The following ITFG1 variants were observed in gnomAD, a reference collection of about 807,000 sequenced individuals.
The protein encoded by ITFG1 is T-cell immunomodulatory protein.
In ITFG1, 34 loss-of-function variants were observed where a neutral mutation model predicts 81.8. That is an observed-to-expected ratio of 0.42 (90% confidence interval 0.32 to 0.55). The LOEUF (loss-of-function observed/expected upper bound fraction) is 0.55. ITFG1 is among the 20% of genes least tolerant of loss of function. The pLI, the probability that ITFG1 is intolerant of heterozygous loss-of-function variation, is 0.17. For missense variants in ITFG1, 672 were observed against 755.4 expected (o/e 0.89, Z 1.29); for synonymous variants, 285 against 270.6 (o/e 1.05, Z -0.52).
At chr16:47,239,055 A>G (rs1965905153) in intron 12 of ITFG1, among the ~76,000 whole-genome samples, 1 of 152,196 alleles carries the variant, frequency 6.6e-6, no homozygotes, top group Admixed American at 6.5e-5. Flanking sequence ...CCCTTCTGCC[A>G]TGTGAGGACG....
At chr16:47,399,426 A>G (rs1008472340) in intron 6 of ITFG1, among the ~76,000 whole-genome samples, 3 of 152,156 alleles carry the variant, frequency 2.0e-5, no homozygotes, top group African/African-American at 7.2e-5. Flanking sequence ...ACAAACAATT[A>G]GCCGGGCGTG....
chr16:47,366,477 G>A (rs2151587104), intron 7 of ITFG1, among the ~76,000 whole-genome samples: 1 of 152,238 alleles, frequency 6.6e-6, no homozygotes, highest in South Asian at 2.1e-4. Context: ...AGGTGCCTAA[G>A]CTAAATAGAA....
intron 4 of ITFG1, among the ~76,000 whole-genome samples, chr16:47,451,772 A>G (rs1431294869): frequency 1.3e-5 from 2 of 152,238 alleles, no homozygotes; most frequent in African/African-American, 4.8e-5. Context: ...GACTCTAAGC[A>G]ACAGCACAGA....
chr16:47,184,756 A>G (rs1000208741), intron 14 of ITFG1, among the ~76,000 whole-genome samples: 7 of 152,214 alleles, frequency 4.6e-5, no homozygotes, highest in African/African-American at 1.7e-4. Flanking sequence ...TCATAATGAC[A>G]GGACCAAATT....
intron 6 of ITFG1, among the ~76,000 whole-genome samples, chr16:47,382,544 AC>A (rs1407464928): frequency 2.6e-5 from 4 of 151,874 alleles, no homozygotes; most frequent in African/African-American, 9.7e-5. Flanking sequence ...AGAGACGCAG[AC>A]ACCACACTCT....
intron 6 of ITFG1, among the ~76,000 whole-genome samples, chr16:47,392,341 G>A (rs562461356): frequency 6.6e-6 from 1 of 152,210 alleles, no homozygotes; most frequent in Non-Finnish European, 1.5e-5. Context: ...GGATATCTGG[G>A]GGAAGAGCGT....
chr16:47,180,363 C>T (rs1027134246), intron 14 of ITFG1, among the ~76,000 whole-genome samples: 1 of 151,838 alleles, frequency 6.6e-6, no homozygotes, highest in African/African-American at 2.4e-5. Context: ...CCCTCTCCCT[C>T]TCCCTCCCCC....
intron 6 of ITFG1, among the ~76,000 whole-genome samples, chr16:47,380,246 G>A (rs1040505054): frequency 6.6e-6 from 1 of 152,138 alleles, no homozygotes; most frequent in South Asian, 2.1e-4. Context: ...GGTTGATGAA[G>A]CAGAAACTCT....
chr16:47,355,899 A>G (rs887777327), intron 8 of ITFG1, among the ~76,000 whole-genome samples: 14 of 152,184 alleles, frequency 9.2e-5, no homozygotes, highest in African/African-American at 2.9e-4. Flanking sequence ...ATATGTGAAA[A>G]CCACAGGGAG....
chr16:47,423,853 C>T (rs1339168614), intron 6 of ITFG1, among the ~76,000 whole-genome samples: 1 of 150,018 alleles, frequency 6.7e-6, no homozygotes, highest in Admixed American at 6.7e-5. Flanking sequence ...CTCTGGCTGC[C>T]CTTGACATTT....
At position 47,413,804 on chromosome 16, in the gene ITFG1, C is replaced by T. The variant is rs542161943; in HGVS notation, c.655+15000G>A. 9.9e-5 allele frequency among the ~76,000 whole-genome samples: 15 copies of T among 152,052 alleles called. No individual in the cohort carries two copies. The South Asian group carries it at 3.1e-3, about 32-fold the overall frequency. On this transcript the variant is annotated intron_variant, in intron 6 of 17. Transcript: ENST00000320640. ...TAAAACCGTAAGGTGCAGGGACTGT[C>T]TAATACTCCTAGGATTGCACAAGAA...
At chr16:47,296,692 T>A (rs1304470417) in intron 10 of ITFG1, among the ~76,000 whole-genome samples, 1 of 152,234 alleles carries the variant, frequency 6.6e-6, no homozygotes, top group African/African-American at 2.4e-5. Context: ...GGCCTCGGTC[T>A]CCCAAAGTGC....
At chr16:47,182,619 T>C (rs544758983) in intron 14 of ITFG1, among the ~76,000 whole-genome samples, 1 of 152,100 alleles carries the variant, frequency 6.6e-6, no homozygotes, top group African/African-American at 2.4e-5. Flanking sequence ...AAAACGAAAA[T>C]ATAATGGAAT....
intron 5 of ITFG1, among the ~76,000 whole-genome samples, chr16:47,442,004 G>T (rs372278715): frequency 2.0e-5 from 3 of 152,058 alleles, no homozygotes; most frequent in African/African-American, 7.2e-5. Context: ...AAATCAATGT[G>T]CAAAAATCAC....
Position 47,375,868 on chromosome 16 carries a change from T to C in ITFG1, c.720+8A>G, listed in dbSNP as rs763237816. ...ATTTTAAAATGCTTCAAGGAAAAGA[T>C]TTCTTACCAAATTTTCCCATATTTC... is the stretch of plus-strand genomic sequence containing the variant. On this transcript the variant is annotated splice_region_variant and intron_variant, in intron 7 of 17. Transcript: ENST00000320640. The C allele has an allele frequency of 5.1e-6, 8 of 1,554,776 alleles. No individual in the cohort carries two copies. The highest frequency in any genetic ancestry group is 1.4e-5 in the African/African-American group (1 of 73,682).
chr16:47,424,847 T>C (rs1968998619), intron 6 of ITFG1, among the ~76,000 whole-genome samples: 1 of 152,130 alleles, frequency 6.6e-6, no homozygotes, highest in South Asian at 2.1e-4. Flanking sequence ...GAGGTGTCTG[T>C]CGGCTCCTGC....
chr16:47,252,766 T>A (rs913127833), intron 12 of ITFG1, among the ~76,000 whole-genome samples: 6 of 152,156 alleles, frequency 3.9e-5, no homozygotes, highest in Admixed American at 3.3e-4. Context: ...ATAGGCTGGT[T>A]TGAGATTAGA....
chr16:47,337,557 GA>G (rs1285168441), intron 8 of ITFG1, among the ~76,000 whole-genome samples: 1 of 152,182 alleles, frequency 6.6e-6, no homozygotes, highest in East Asian at 1.9e-4. Context: ...GTGACAGAGT[GA>G]GACTCTGTCT....
chr16:47,277,957 G>A (rs932943741), intron 10 of ITFG1, among the ~76,000 whole-genome samples: 1 of 152,118 alleles, frequency 6.6e-6, no homozygotes, highest in Non-Finnish European at 1.5e-5. Context: ...AATATCTTGC[G>A]CAAACAGATA....
Sources: allele counts gnomAD v4.1 joint callset (sites outside exome capture counted in the v4.1 genomes callset), GRCh38; gene constraint gnomAD v4.1.1; transcripts MANE v1.5; gene names NCBI Gene and HGNC (gene_info 2026-07-23, HGNC 2026-07-21).